The following CCNY variants were observed in gnomAD, a reference collection of about 807,000 sequenced individuals.
The protein encoded by CCNY is cyclin Y, also known as cyclin-Y.
CCNY carries 19 observed loss-of-function variants against 42.8 expected under a neutral mutation model. The observed-to-expected ratio is 0.44, with a 90% CI of 0.31 to 0.65. The LOEUF (loss-of-function observed/expected upper bound fraction) is 0.65. Among genes scored for constraint, CCNY ranks in the 30% least tolerant of loss-of-function variants. CCNY has a pLI of 0.07. For synonymous variants in CCNY, 165 were observed against 162.7 expected (o/e 1.01, Z -0.11); for missense variants, 370 against 437.3 (o/e 0.85, Z 1.37).
intron 1 of CCNY, among the ~76,000 whole-genome samples, chr10:35,441,492 C>T (rs1005082410): frequency 1.3e-5 from 2 of 152,184 alleles, no homozygotes; most frequent in Non-Finnish European, 2.9e-5. Context: ...GGAGGCTGGG[C>T]GCAGTGGCTG....
At chr10:35,272,796 T>C (rs1234031917) in intron 3 of CCNY, among the ~76,000 whole-genome samples, 1 of 152,214 alleles carries the variant, frequency 6.6e-6, no homozygotes, top group African/African-American at 2.4e-5. Context: ...AGTAATGGAA[T>C]TGCTGGGTTG....
chr10:35,303,818 A>G (rs1456192349), intron 3 of CCNY, among the ~76,000 whole-genome samples: 1 of 150,504 alleles, frequency 6.6e-6, no homozygotes, highest in East Asian at 2.0e-4. Context: ...GGAAGGAAGG[A>G]AGGAAAGAAG....
intron 1 of CCNY, among the ~76,000 whole-genome samples, chr10:35,411,367 G>T (rs888875501): frequency 1.3e-5 from 2 of 151,954 alleles, no homozygotes; most frequent in African/African-American, 4.8e-5. Context: ...ACAAAAATTA[G>T]CCAGGCATAG....
At chr10:35,452,163 GA>G (rs759448444) in intron 1 of CCNY, among the ~76,000 whole-genome samples, 17 of 152,284 alleles carry the variant, frequency 1.1e-4, no homozygotes, top group Non-Finnish European at 2.1e-4. Flanking sequence ...AGTAAATAAT[GA>G]TTTTTACATA....
intron 1 of CCNY, among the ~76,000 whole-genome samples, chr10:35,462,286 C>T (rs1298211698): frequency 6.6e-6 from 1 of 152,202 alleles, no homozygotes; most frequent in African/African-American, 2.4e-5. Flanking sequence ...TTAGGAATGG[C>T]GGTAGTCCTG....
intron 3 of CCNY, among the ~76,000 whole-genome samples, chr10:35,257,557 T>C (rs1400882386): frequency 7.9e-5 from 12 of 152,214 alleles, no homozygotes; most frequent in Admixed American, 7.9e-4. Flanking sequence ...GCACTTTGCA[T>C]ACCTTGGCTC....
intron 1 of CCNY, among the ~76,000 whole-genome samples, chr10:35,462,646 CTG>C (rs1839181526): frequency 6.6e-6 from 1 of 152,216 alleles, no homozygotes; most frequent in Admixed American, 6.5e-5. Flanking sequence ...CAGCTGCTCT[CTG>C]TGACAGCTTC....
intron 3 of CCNY, among the ~76,000 whole-genome samples, chr10:35,278,232 T>C (rs1173298669): frequency 6.6e-6 from 1 of 152,114 alleles, no homozygotes; most frequent in African/African-American, 2.4e-5. Context: ...GATACAATGC[T>C]GATTACAGAC....
At chr10:35,487,250 A>G (rs377162292) in intron 2 of CCNY, among the ~76,000 whole-genome samples, 31 of 152,208 alleles carry the variant, frequency 2.0e-4, no homozygotes, top group African/African-American at 5.8e-4. Flanking sequence ...GCATACTTCT[A>G]TTAGAGTCTT....
intron 7 of CCNY, among the ~76,000 whole-genome samples, chr10:35,541,525 G>A (rs547126091): frequency 6.6e-6 from 1 of 152,292 alleles, no homozygotes; most frequent in East Asian, 1.9e-4. Flanking sequence ...AGCCTCCTGA[G>A]TAACTGGAAC....
chr10:35,253,690 T>C (rs767646941), intron 3 of CCNY, among the ~76,000 whole-genome samples: 3 of 151,964 alleles, frequency 2.0e-5, no homozygotes, highest in Non-Finnish European at 4.4e-5. Context: ...ATGTAGACCA[T>C]TCATAGAGGC....
intron 3 of CCNY, among the ~76,000 whole-genome samples, chr10:35,311,389 A>G (rs1456018698): frequency 3.2e-4 from 48 of 151,982 alleles, no homozygotes; most frequent in Non-Finnish European, 4.4e-5. Flanking sequence ...TTAAAAAATT[A>G]TTTTTGGTTG....
chr10:35,413,743 C>T (rs1189768549), intron 1 of CCNY, among the ~76,000 whole-genome samples: 1 of 152,154 alleles, frequency 6.6e-6, no homozygotes, highest in Non-Finnish European at 1.5e-5. Flanking sequence ...GGCAGGCAAG[C>T]TCAGGGCCCA....
chr10:35,442,746 T>G lies in CCNY; in HGVS notation c.155-40658T>G, dbSNP rs190809760. Among the ~76,000 whole-genome samples the G allele has an allele frequency of 7.9e-5, 12 of 152,330 alleles. No homozygotes were observed. In the East Asian group the frequency reaches 2.3e-3, roughly 29 times the overall value. On this transcript the variant is annotated intron_variant, in intron 1 of 9. Coordinates refer to ENST00000374704, the MANE Select transcript of CCNY (RefSeq NM_145012.6). ...TACGGGACGGGCTATTGATGTGGTT[T>G]GTGTTATTTTCTCCCTTTATTTCAT...
chr10:35,274,790 G>T (rs1036647674), intron 3 of CCNY, among the ~76,000 whole-genome samples: 1 of 152,086 alleles, frequency 6.6e-6, no homozygotes, highest in Non-Finnish European at 1.5e-5. Context: ...GGATGGGAAA[G>T]AAAACATTTG....
chr10:35,361,649 G>T (rs918805551), intron 1 of CCNY, among the ~76,000 whole-genome samples: 1 of 152,064 alleles, frequency 6.6e-6, no homozygotes, highest in South Asian at 2.1e-4. Flanking sequence ...TCTGAGAATC[G>T]GCATTCTGCT....
chr10:35,323,675 A>G (rs1366068546), intron 3 of CCNY, among the ~76,000 whole-genome samples: 1 of 152,098 alleles, frequency 6.6e-6, no homozygotes. Context: ...AATGTTCTAG[A>G]TCTTGATTGT....
chr10:35,552,853 G>A (rs891990177), intron 7 of CCNY, among the ~76,000 whole-genome samples, 166 bp from the exon 8 acceptor site: 19 of 152,256 alleles, frequency 1.2e-4, no homozygotes, highest in South Asian at 4.2e-4. Context: ...TTTAGCCCAC[G>A]TTTCATCAGA....
Position 35,337,034 on chromosome 10 carries a change from G to A in CCNY, c.-20G>A. The stretch of plus-strand genomic sequence containing the variant: ...GACTGGGAGAACAGGATAGCAGCAG[G>A]AGTCGGGGGGCCGCCGAAGATGGGG... On this transcript the variant is annotated 5_prime_UTR_variant, in exon 1 of 10. Transcript: ENST00000374704. 1 of 1,545,344 alleles carries A rather than the reference G, an allele frequency of 6.5e-7. No individual in the cohort carries two copies. Among genetic ancestry groups the A allele is most frequent in the Non-Finnish European group, 8.7e-7 (1 of 1,144,714 alleles).
Sources: allele counts gnomAD v4.1 joint callset (sites outside exome capture counted in the v4.1 genomes callset), GRCh38; gene constraint gnomAD v4.1.1; transcripts MANE v1.5; gene names NCBI Gene and HGNC (gene_info 2026-07-23, HGNC 2026-07-21).